Variants in VAPB observed in about 807,000 individuals in gnomAD.
The protein encoded by VAPB is vesicle-associated membrane protein-associated protein B/C.
A neutral mutation model predicts 25.6 loss-of-function variants in VAPB; 7 were observed. The ratio of observed to expected loss-of-function variants is 0.27; its 90% confidence interval spans 0.16 to 0.51. The LOEUF is 0.51. Among genes scored for constraint, VAPB ranks in the 20% least tolerant of loss-of-function variants. The pLI, the probability that VAPB is intolerant of heterozygous loss-of-function variation, is 0.97. For synonymous variants in VAPB, 112 were observed against 109.2 expected (o/e 1.03, Z -0.16); for missense variants, 266 against 301.3 (o/e 0.88, Z 0.87).
intron 1 of VAPB, among the ~76,000 whole-genome samples, chr20:58,402,186 C>T (rs1341562819): frequency 1.3e-5 from 2 of 152,192 alleles, no homozygotes; most frequent in African/African-American, 4.8e-5. Flanking sequence ...TTGTTGCACT[C>T]CCCCCACATT....
intron 5 of VAPB, among the ~76,000 whole-genome samples, chr20:58,443,718 G>A (rs1340472395): frequency 6.6e-6 from 1 of 152,112 alleles, no homozygotes; most frequent in Non-Finnish European, 1.5e-5. Context: ...TTGAAGAGAA[G>A]CATCCGGAAG....
chr20:58,405,020 A>G (rs73179877), intron 1 of VAPB, among the ~76,000 whole-genome samples: 5,941 of 152,152 alleles, frequency 0.039, 164 homozygotes, highest in Non-Finnish European at 0.06. Context: ...AAAACAGAAA[A>G]TATATATGAT....
chr20:58,418,186 A>C, intron 1 of VAPB, 25 bp from the exon 2 acceptor site: 1 of 1,613,946 alleles, frequency 6.2e-7, no homozygotes, highest in Non-Finnish European at 8.5e-7. Context: ...TGAGACCCCC[A>C]ATCAGTCTCT....
chr20:58,448,004 C>T lies in VAPB; in HGVS notation c.*3769C>T, dbSNP rs1170185524. ...CATTTCATTGAAGGGCCTCTCGTGGCTTTCCCTGCCCCCGGCTGTCTGGCC... is the reference window on the plus strand; with the variant it reads ...CATTTCATTGAAGGGCCTCTCGTGGTTTTCCCTGCCCCCGGCTGTCTGGCC... On this transcript the variant is annotated 3_prime_UTR_variant, in exon 6 of 6. Transcript: ENST00000475243. The T allele has an allele frequency of 2.2e-6, 1 of 453,940 alleles. No homozygotes were observed. Among genetic ancestry groups the T allele is most frequent in the Non-Finnish European group, 4.4e-6 (1 of 226,738 alleles). The allele number at this position is 453,940 out of a possible 1,614,324, so 28.1% of individuals were successfully genotyped here.
chr20:58,393,370 C>T (rs1464696090), intron 1 of VAPB, among the ~76,000 whole-genome samples: 2 of 151,266 alleles, frequency 1.3e-5, no homozygotes, highest in Non-Finnish European at 2.9e-5. Context: ...TTGTCTTTTT[C>T]ACTAAGTCAT....
At chr20:58,440,177 A>G (rs1989130609) in intron 4 of VAPB, 1 of 152,224 alleles carries the variant, frequency 6.6e-6, no homozygotes, top group Non-Finnish European at 1.5e-5. Context: ...CAGCTCTGTG[A>G]TAGGTTGACT....
chr20:58,438,494 G>A (rs539818452), intron 3 of VAPB, among the ~76,000 whole-genome samples: 1 of 152,264 alleles, frequency 6.6e-6, no homozygotes, highest in Admixed American at 6.5e-5. Flanking sequence ...GTGCAGACTG[G>A]TCTCAAACTG....
At chr20:58,414,216 GCGGGGGGCTGACCC>G (rs1281177886) in intron 1 of VAPB, among the ~76,000 whole-genome samples, 1 of 141,024 alleles carries the variant, frequency 7.1e-6, no homozygotes, top group Non-Finnish European at 1.6e-5. Context: ...GGCTGGCCGG[GCGGGGGGCTGACCC>G]CCCAACCTCC....
chr20:58,447,415 C>G lies in VAPB; in HGVS notation c.*3180C>G, dbSNP rs889091719. 2.2e-6 allele frequency: 1 copy of G among 453,906 alleles called. No homozygotes were observed. The highest frequency in any genetic ancestry group is 2.0e-5 in the African/African-American group (1 of 49,950). The allele number at this position is 453,906 out of a possible 1,614,324, so 28.1% of individuals were successfully genotyped here. A position where few individuals can be genotyped will look rare whatever the true frequency, so the allele number is the denominator to read the frequency against. Reference sequence around the variant, plus strand: ...TGATAAAATCAAAATTGATTTTTACCAGTGGCCAGTTTATGGCTAGAGAGA... The same window carrying G: ...TGATAAAATCAAAATTGATTTTTACGAGTGGCCAGTTTATGGCTAGAGAGA... On this transcript the variant is annotated 3_prime_UTR_variant, in exon 6 of 6. Coordinates refer to ENST00000475243, the MANE Select transcript of VAPB (RefSeq NM_004738.5).
At chr20:58,401,353 C>A (rs1988090926) in intron 1 of VAPB, among the ~76,000 whole-genome samples, 1 of 151,854 alleles carries the variant, frequency 6.6e-6, no homozygotes, top group Non-Finnish European at 1.5e-5. Context: ...ACTCCTTTCA[C>A]TTTCCTTCTT....
chr20:58,440,873 G>A (rs184682435), intron 4 of VAPB, 34 bp from the exon 5 acceptor site: 52 of 1,604,256 alleles, frequency 3.2e-5, no homozygotes, highest in East Asian at 6.7e-5. Flanking sequence ...TTACATGGTC[G>A]GTGACACTTA....
intron 2 of VAPB, among the ~76,000 whole-genome samples, chr20:58,423,621 C>A (rs985519221): frequency 6.6e-6 from 1 of 152,094 alleles, no homozygotes; most frequent in Non-Finnish European, 1.5e-5. Context: ...GTGCACCTTT[C>A]AGGTGCACTA....
rs1346529586 is a variant in VAPB, at chr20:58,439,066, C to T, written c.396+41C>T. The T allele has an allele frequency of 5.8e-6, 9 of 1,554,508 alleles. No individual in the cohort carries two copies. The African/African-American group carries it at 1.2e-4, about 21-fold the overall frequency. Reference sequence around the variant, plus strand: ...GTTAACAATAATTGAATGTTGTAAGCTGATACTTATTTGCATACCATTTCC... The same window carrying T: ...GTTAACAATAATTGAATGTTGTAAGTTGATACTTATTTGCATACCATTTCC... On this transcript the variant is annotated intron_variant, in intron 4 of 5. Transcript: ENST00000475243.
chr20:58,403,765 T>C (rs1988155722), intron 1 of VAPB, among the ~76,000 whole-genome samples: 1 of 152,256 alleles, frequency 6.6e-6, no homozygotes, highest in South Asian at 2.1e-4. Context: ...GTCAGCCTGC[T>C]GGACATCCCT....
rs1237379560 is a variant in VAPB, at chr20:58,445,989, C to G, written c.*1754C>G. The G allele has an allele frequency of 2.2e-5, 10 of 453,946 alleles. No individual in the cohort carries two copies. The Admixed American group carries it at 2.4e-4, about 11-fold the overall frequency. The allele number at this position is 453,946 out of a possible 1,614,324, so 28.1% of individuals were successfully genotyped here. A position where few individuals can be genotyped will look rare whatever the true frequency, so the allele number is the denominator to read the frequency against. ...AGCCACGTTGCTCCTAAGCCTGGCTCTGTCAAGCTGGGTCAGGGGCCTTGA... is the reference window on the plus strand; with the variant it reads ...AGCCACGTTGCTCCTAAGCCTGGCTGTGTCAAGCTGGGTCAGGGGCCTTGA... On this transcript the variant is annotated 3_prime_UTR_variant, in exon 6 of 6. Coordinates refer to ENST00000475243, the MANE Select transcript of VAPB (RefSeq NM_004738.5).
chr20:58,427,245 C>A (rs1040645997), intron 2 of VAPB, among the ~76,000 whole-genome samples: 1 of 145,268 alleles, frequency 6.9e-6, no homozygotes, highest in East Asian at 2.1e-4. Context: ...ATGATGCAGG[C>A]GAAAGTGATC....
At chr20:58,434,745 AT>A in intron 3 of VAPB, 40 bp downstream of exon 3, 1 of 1,012,466 alleles carries the variant, frequency 9.9e-7, no homozygotes, top group Non-Finnish European at 1.6e-6. Context: ...AGTAACAATA[AT>A]TTAAAAAACC....
chr20:58,405,650 G>C (rs1988208684), intron 1 of VAPB, among the ~76,000 whole-genome samples: 1 of 149,072 alleles, frequency 6.7e-6, no homozygotes, highest in Non-Finnish European at 1.5e-5. Flanking sequence ...TCACCATGTT[G>C]CCCAGGCTGG....
chr20:58,439,967 T>C (rs1168576993), intron 4 of VAPB: 1 of 152,266 alleles, frequency 6.6e-6, no homozygotes. Flanking sequence ...TGAAATGTTG[T>C]GTTAACAGTA....
Sources: allele counts gnomAD v4.1 joint callset (sites outside exome capture counted in the v4.1 genomes callset), GRCh38; gene constraint gnomAD v4.1.1; transcripts MANE v1.5; gene names NCBI Gene and HGNC (gene_info 2026-07-23, HGNC 2026-07-21).